AFF2: variants seen among roughly 807,000 people sequenced by gnomAD.
The protein encoded by AFF2 is ALF transcription elongation factor 2.
A neutral mutation model predicts 76.9 loss-of-function variants in AFF2; 14 were observed. The observed-to-expected ratio is 0.18, with a 90% CI of 0.12 to 0.28. AFF2 has a LOEUF of 0.28. AFF2 is among the 10% of genes least tolerant of loss of function. AFF2 has a pLI of 1.00. For missense variants in AFF2, 868 were observed against 1,001.1 expected (o/e 0.87, Z 1.79); for synonymous variants, 398 against 366.7 (o/e 1.09, Z -0.98).
At chrX:148,829,364 A>T (rs1301208653) in intron 4 of AFF2, among the ~76,000 whole-genome samples, 1 of 111,944 alleles carries the variant, frequency 8.9e-6, no homozygotes, top group African/African-American at 3.2e-5. Flanking sequence ...AATGGAACAG[A>T]GTTTTGACCA....
At chrX:148,788,655 G>A (rs948758437) in intron 3 of AFF2, among the ~76,000 whole-genome samples, 12 of 111,904 alleles carry the variant, frequency 1.1e-4, no homozygotes, top group Non-Finnish European at 1.9e-5. Flanking sequence ...TGGTAATGAG[G>A]CCCTCTTTGT....
rs1456740979 is a variant in AFF2 at position 148,885,968 on chromosome X, G to A, written c.1342G>A (p.Ala448Thr). Residue 448 changes from alanine (A) to threonine (T), a missense_variant, in exon 8 of 21, where the codon GCC becomes ACC. By Grantham distance (58) the Ala-to-Thr change is moderately conservative. Around this residue, in one of 6 missense-constraint regions of AFF2, gnomAD observed 532 missense variants for 564.2 expected, o/e 0.94. Transcript: ENST00000370460. ...PVKTLTTQCT[A>T]TELYQAVEKA... ...GAAGACCTTGACCACTCAGTGCACT[G>A]CCACTGAGCTCTACCAGGTTAGAAG... The A allele has an allele frequency of 1.7e-6, 2 of 1,201,459 alleles. No individual in the cohort carries two copies. Among genetic ancestry groups the A allele is most frequent in the Non-Finnish European group, 2.3e-6 (2 of 887,979 alleles).
chrX:148,933,565 G>A (rs1440732478), intron 9 of AFF2, among the ~76,000 whole-genome samples: 1 of 111,289 alleles, frequency 9.0e-6, no homozygotes, highest in Non-Finnish European at 1.9e-5. Context: ...GATGAGCGGT[G>A]AAGAGTGGAT....
chrX:148,516,406 A>G (rs1188722612), intron 1 of AFF2, among the ~76,000 whole-genome samples: 2 of 111,615 alleles, frequency 1.8e-5, no homozygotes, highest in African/African-American at 3.3e-5. Flanking sequence ...CAATATGAGA[A>G]CCCCAAAAGA....
chrX:148,760,214 T>A (rs991380357), intron 3 of AFF2, among the ~76,000 whole-genome samples: 5 of 112,009 alleles, frequency 4.5e-5, no homozygotes, highest in African/African-American at 1.6e-4. Flanking sequence ...ACAGTTACTA[T>A]GCCAGGTTTA....
chrX:148,573,689 C>T (rs2053255216), intron 1 of AFF2, among the ~76,000 whole-genome samples: 1 of 111,080 alleles, frequency 9.0e-6, no homozygotes, highest in Admixed American at 9.6e-5. Flanking sequence ...GTCTTATTCC[C>T]ACAACATAGG....
chrX:148,518,022 C>CA lies in AFF2; in HGVS notation c.47+16895dup, dbSNP rs543248775. Among the ~76,000 whole-genome samples the CA allele has an allele frequency of 7.1e-3, 271 of 38,373 alleles. 1 individual carries two copies. Among genetic ancestry groups the CA allele is most frequent in the Middle Eastern group, 0.062 (4 of 64 alleles). 33.3% of individuals were successfully genotyped at this position (38,373 alleles called of 115,157 possible). A position where few individuals can be genotyped will look rare whatever the true frequency, so the allele number is the denominator to read the frequency against. ...TGGGCGACAGTGCATGACTCCGTCTCAAAAAAAAAAAAAAAAAGAAAATAA... is the reference window on the plus strand; with the variant it reads ...TGGGCGACAGTGCATGACTCCGTCTCAAAAAAAAAAAAAAAAAAGAAAATAA... On this transcript the variant is annotated intron_variant, in intron 1 of 20. Transcript: ENST00000370460.
chrX:148,888,210 A>C (rs1288107156), intron 8 of AFF2, among the ~76,000 whole-genome samples: 1 of 109,750 alleles, frequency 9.1e-6, no homozygotes, highest in Non-Finnish European at 1.9e-5. Context: ...TAACCCCGAC[A>C]ACTGCTAATC....
rs782059521 is a variant in AFF2 at position 148,906,825 on chromosome X, C to T, written c.1397+2567C>T. Among the ~76,000 whole-genome samples, 9 of 111,944 alleles carry T rather than the reference C, an allele frequency of 8.0e-5. No individual in the cohort carries two copies. In the East Asian group the frequency reaches 2.0e-3, roughly 25 times the overall value. The stretch of plus-strand genomic sequence containing the variant: ...GACCTGCCCTTGACTTCCACCCCTC[C>T]GGATCCGGCAGAGTGTCCGCTGCAC... On this transcript the variant is annotated intron_variant, in intron 9 of 20. Transcript: ENST00000370460.
intron 1 of AFF2, among the ~76,000 whole-genome samples, chrX:148,579,959 C>T (rs1603248081): frequency 9.0e-6 from 1 of 111,174 alleles, no homozygotes; most frequent in East Asian, 2.9e-4. Flanking sequence ...TTTTGCAGTC[C>T]CATTAAACTA....
intron 1 of AFF2, among the ~76,000 whole-genome samples, chrX:148,636,310 G>T (rs2054030539): frequency 8.9e-6 from 1 of 111,884 alleles, no homozygotes; most frequent in African/African-American, 3.2e-5. Context: ...GCGTGTCGAG[G>T]GCTATGGATC....
intron 1 of AFF2, among the ~76,000 whole-genome samples, chrX:148,556,464 C>T (rs1056160904): frequency 1.8e-5 from 2 of 111,540 alleles, no homozygotes; most frequent in Admixed American, 1.9e-4. Context: ...TTTTTTACTC[C>T]AGAAAATATT....
intron 7 of AFF2, among the ~76,000 whole-genome samples, chrX:148,847,199 T>C (rs942517130): frequency 1.8e-5 from 2 of 112,422 alleles, no homozygotes; most frequent in African/African-American, 6.5e-5. Flanking sequence ...TCAGTGGCCT[T>C]CCCAAATGCA....
rs1331582944 is a variant in AFF2 at position 148,991,470 on chromosome X, A to G, written c.*138A>G. The G allele has an allele frequency of 5.2e-6, 4 of 773,256 alleles. No homozygotes were observed. The highest frequency in any genetic ancestry group is 9.2e-5 in the South Asian group (2 of 21,682). The allele number at this position is 773,256 out of a possible 1,213,427, so 63.7% of individuals were successfully genotyped here. A position where few individuals can be genotyped will look rare whatever the true frequency, so the allele number is the denominator to read the frequency against. On this transcript the variant is annotated 3_prime_UTR_variant, in exon 21 of 21. Transcript: ENST00000370460. ...TTTTTATGCTTCTTTTGTTATCTGT[A>G]AAAAACAGAAGTCATTGTAAGTTGA...
intron 16 of AFF2, among the ~76,000 whole-genome samples, chrX:148,975,798 G>T (rs1221264628): frequency 5.0e-5 from 5 of 99,974 alleles, no homozygotes; most frequent in African/African-American, 1.8e-4. Flanking sequence ...CAAAAAATTA[G>T]CCGGGCGTAG....
At chrX:148,501,647 C>T (rs1557231882) in intron 1 of AFF2, among the ~76,000 whole-genome samples, 1 of 113,518 alleles carries the variant, frequency 8.8e-6, no homozygotes, top group Non-Finnish European at 1.9e-5. Flanking sequence ...CCCTGCGCTG[C>T]GCGGCGCGCA....
intron 1 of AFF2, among the ~76,000 whole-genome samples, chrX:148,634,288 A>C (rs782765484): frequency 8.9e-5 from 10 of 111,795 alleles, no homozygotes; most frequent in Non-Finnish European, 1.7e-4. Flanking sequence ...TTATCAATAA[A>C]ATGGATGGGT....
chrX:148,823,020 C>T (rs2070347052), intron 4 of AFF2, among the ~76,000 whole-genome samples: 1 of 111,347 alleles, frequency 9.0e-6, no homozygotes, highest in African/African-American at 3.3e-5. Flanking sequence ...CTAGTCTATC[C>T]TCCAACTTTG....
chrX:148,772,092 T>G lies in AFF2; in HGVS notation c.1042-37784T>G, dbSNP rs1206311642. Among the ~76,000 whole-genome samples, 4 of 112,188 alleles carry G rather than the reference T, an allele frequency of 3.6e-5. 1 individual carries two copies. The Admixed American group carries it at 3.8e-4, about 11-fold the overall frequency. On this transcript the variant is annotated intron_variant, in intron 3 of 20. Coordinates refer to ENST00000370460, the MANE Select transcript of AFF2 (RefSeq NM_002025.4). ...CCTGATTTAATAGGTCACATTTCAC[T>G]GCCTTTATGGGCATCCTTACATCTT...
Sources: gnomAD v4.1 joint callset for allele counts (sites outside exome capture counted in the v4.1 genomes callset) on GRCh38, gnomAD v4.1.1 for gene constraint, gnomAD v4.1.1 regional missense constraint, MANE v1.5 for transcripts, NCBI Gene and HGNC (gene_info 2026-07-23, HGNC 2026-07-21) for gene names.